The following ZNF438 variants were observed in gnomAD, a reference collection of about 807,000 sequenced individuals.
ZNF438 encodes zinc finger protein 438.
Under a neutral mutation model 38.0 loss-of-function variants are expected in ZNF438, and 25 were observed. That is an observed-to-expected ratio of 0.66 (90% CI 0.48 to 0.92). ZNF438 has a LOEUF of 0.92. Among genes scored for constraint, ZNF438 ranks in the 40% least tolerant of loss-of-function variants. The pLI, the probability that ZNF438 is intolerant of heterozygous loss-of-function variation, is 0.00. For synonymous variants in ZNF438, 372 were observed against 364.1 expected, an observed-to-expected ratio of 1.02 and a Z score of -0.25; for missense variants, 1,007 against 999.6, an observed-to-expected ratio of 1.01 and a Z score of -0.10.
chr10:30,865,405 T>C (rs1289992944), intron 4 of ZNF438, among the ~76,000 whole-genome samples: 1 of 152,172 alleles, frequency 6.6e-6, no homozygotes. Context: ...ATACATTTAA[T>C]GACACTTTTA....
intron 1 of ZNF438, among the ~76,000 whole-genome samples, chr10:31,017,656 C>T (rs1324779810): frequency 6.6e-6 from 1 of 152,200 alleles, no homozygotes; most frequent in Non-Finnish European, 1.5e-5. Flanking sequence ...CTCTTCAACC[C>T]TCTCTTGATT....
chr10:30,959,665 G>C (rs2049258114), intron 1 of ZNF438, among the ~76,000 whole-genome samples: 1 of 145,464 alleles, frequency 6.9e-6, no homozygotes, highest in Admixed American at 7.0e-5. Context: ...GGAGAATGGC[G>C]TGAACCCGGG....
intron 1 of ZNF438, among the ~76,000 whole-genome samples, chr10:30,991,001 T>A (rs1037092643): frequency 6.6e-6 from 1 of 152,168 alleles, no homozygotes; most frequent in African/African-American, 2.4e-5. Context: ...GGAAATTGTT[T>A]GAAGAGTATA....
At chr10:31,001,571 T>C (rs1043705627) in intron 1 of ZNF438, among the ~76,000 whole-genome samples, 3 of 152,160 alleles carry the variant, frequency 2.0e-5, no homozygotes, top group Non-Finnish European at 2.9e-5. Context: ...AATAAAGAAA[T>C]AAAAGTTTGT....
At chr10:30,989,318 A>G (rs1169380705) in intron 1 of ZNF438, among the ~76,000 whole-genome samples, 1 of 152,196 alleles carries the variant, frequency 6.6e-6, no homozygotes. Flanking sequence ...GAGCTCCACC[A>G]AAAGGAAGCT....
intron 5 of ZNF438, among the ~76,000 whole-genome samples, chr10:30,847,670 C>G (rs1206960333): frequency 6.6e-6 from 1 of 152,224 alleles, no homozygotes; most frequent in Non-Finnish European, 1.5e-5. Flanking sequence ...TGAGCCAGGG[C>G]AGTGACTCCC....
chr10:30,974,169 C>T (rs1366819951), intron 1 of ZNF438, among the ~76,000 whole-genome samples: 1 of 152,104 alleles, frequency 6.6e-6, no homozygotes, highest in African/African-American at 2.4e-5. Flanking sequence ...CAAGTTTTCT[C>T]CAGGAAAAAA....
intron 4 of ZNF438, among the ~76,000 whole-genome samples, chr10:30,853,224 G>A (rs1005693169): frequency 4.6e-5 from 7 of 152,092 alleles, no homozygotes; most frequent in African/African-American, 1.7e-4. Context: ...AATATTTACC[G>A]CAAGATGAGC....
chr10:31,003,869 T>C (rs2054883873), intron 1 of ZNF438, among the ~76,000 whole-genome samples: 1 of 152,102 alleles, frequency 6.6e-6, no homozygotes, highest in East Asian at 1.9e-4. Context: ...TATTGGTACC[T>C]CCAATGCAAG....
At chr10:30,967,037 A>G (rs1261061698) in intron 1 of ZNF438, among the ~76,000 whole-genome samples, 3 of 152,214 alleles carry the variant, frequency 2.0e-5, no homozygotes, top group African/African-American at 7.2e-5. Flanking sequence ...ATAAGCAGTA[A>G]GAATAAACTT....
intron 1 of ZNF438, among the ~76,000 whole-genome samples, chr10:31,006,838 T>C (rs886520683): frequency 3.4e-5 from 5 of 149,122 alleles, no homozygotes; most frequent in Non-Finnish European, 7.5e-5. Flanking sequence ...TGCTGTTGGC[T>C]AATAGAAAAA....
intron 4 of ZNF438, among the ~76,000 whole-genome samples, chr10:30,868,301 C>T (rs988188711): frequency 7.9e-5 from 12 of 152,162 alleles, no homozygotes; most frequent in Non-Finnish European, 1.3e-4. Flanking sequence ...GAACTCCTGA[C>T]CGCAGGTGAT....
intron 4 of ZNF438, among the ~76,000 whole-genome samples, chr10:30,864,647 T>G (rs1388164260): frequency 6.6e-6 from 1 of 152,200 alleles, no homozygotes; most frequent in Non-Finnish European, 1.5e-5. Flanking sequence ...CTATTAACTC[T>G]CAACCATATT....
intron 2 of ZNF438, chr10:30,919,721 A>G: frequency 6.5e-6 from 1 of 152,712 alleles, no homozygotes; most frequent in Non-Finnish European, 1.5e-5. Context: ...TCCCAGGTTC[A>G]AGCGATTCTC....
intron 5 of ZNF438, 107 bp downstream of exon 6, chr10:30,848,424 A>T: frequency 7.6e-7 from 1 of 1,322,908 alleles, no homozygotes; most frequent in Non-Finnish European, 1.0e-6. Context: ...ATGAAATCTT[A>T]ATCCTAGAGA....
intron 2 of ZNF438, 117 bp downstream of exon 3, chr10:30,941,458 G>A (rs960670078): frequency 1.3e-5 from 2 of 152,132 alleles, no homozygotes; most frequent in African/African-American, 2.4e-5. Context: ...AATATACAAG[G>A]TGACTAGAAG....
intron 4 of ZNF438, among the ~76,000 whole-genome samples, chr10:30,876,422 C>T (rs1244898053): frequency 6.6e-6 from 1 of 152,152 alleles, no homozygotes; most frequent in African/African-American, 2.4e-5. Context: ...AGGACTCTAC[C>T]TCCATCTGGA....
chr10:30,861,410 G>C (rs2035560908), intron 4 of ZNF438, among the ~76,000 whole-genome samples: 1 of 152,088 alleles, frequency 6.6e-6, no homozygotes, highest in African/African-American at 2.4e-5. Flanking sequence ...CACAGATGCA[G>C]AACAGGATGT....
chr10:30,935,835 G>A lies in ZNF438; in HGVS notation c.-115+5740C>T, dbSNP rs930070685. ...CCCTTATAAAACCATCAGATCTTGT[G>A]AGAACTCACTCACTATCATGAGAAC... On this transcript the variant is annotated intron_variant, in intron 2 of 5. Transcript: ENST00000413025. Among the ~76,000 whole-genome samples the A allele has an allele frequency of 2.4e-4, 36 of 152,214 alleles. 1 individual carries two copies. The highest frequency in any genetic ancestry group is 2.0e-3 in the Admixed American group (31 of 15,290).
Sources: allele counts gnomAD v4.1 joint callset (sites outside exome capture counted in the v4.1 genomes callset), GRCh38; gene constraint gnomAD v4.1.1; transcripts MANE v1.5; gene names NCBI Gene and HGNC (gene_info 2026-07-23, HGNC 2026-07-21).